Variants in RYR3 observed in about 807,000 individuals in gnomAD.
The protein encoded by RYR3 is brain ryanodine receptor-calcium release channel.
A neutral mutation model predicts 584.3 loss-of-function variants in RYR3; 207 were observed. The ratio of observed to expected loss-of-function variants is 0.35; its 90% CI spans 0.32 to 0.40. RYR3 has a LOEUF of 0.40. RYR3 is among the 10% of genes least tolerant of loss of function. The pLI, the probability that RYR3 is intolerant of heterozygous loss-of-function variation, is 1.00. For missense variants in RYR3, 5,616 were observed against 6,089.2 expected (o/e 0.92, Z 2.59); for synonymous variants, 2,416 against 2,248.5 (o/e 1.07, Z -2.11).
At chr15:33,539,255 G>A (rs2304385) in intron 5 of RYR3, 95 bp from the exon 6 acceptor site, 30 of 742,574 alleles carry the variant, frequency 4.0e-5, no homozygotes, top group East Asian at 2.2e-4. Flanking sequence ...TTGTGTGCAC[G>A]TGAAGGGTTG....
In RYR3 at chr15:33,669,847, G is replaced by GT. The variant is rs1566919568; in HGVS notation, c.5722+391_5722+392insT. Among the ~76,000 whole-genome samples the GT allele has an allele frequency of 1.1e-4, 5 of 46,702 alleles. 1 individual carries two copies. Among genetic ancestry groups the GT allele is most frequent in the Admixed American group, 5.7e-4 (2 of 3,508 alleles). The allele number at this position is 46,702 out of a possible 152,430, so 30.6% of individuals were successfully genotyped here. A position where few individuals can be genotyped will look rare whatever the true frequency, so the allele number is the denominator to read the frequency against. On this transcript the variant is annotated intron_variant, in intron 37 of 103. Transcript: ENST00000634891. ...GCTATTAGGGGTGTGTGTGTGTGGGGGGGGGGGGGGGTGTGGGTGTGTGGG... is the reference window on the plus strand; with the variant it reads ...GCTATTAGGGGTGTGTGTGTGTGGGGTGGGGGGGGGGGTGTGGGTGTGTGGG...
At chr15:33,612,599 A>T (rs1009634532) in intron 18 of RYR3, among the ~76,000 whole-genome samples, 11 of 152,174 alleles carry the variant, frequency 7.2e-5, no homozygotes, top group African/African-American at 2.2e-4. Flanking sequence ...ACCTCAGGTG[A>T]TCCACCTGCC....
chr15:33,813,009 C>T lies in RYR3; in HGVS notation c.10389+15C>T. ...ACCTGGAACAGGTAAGGAGCATCTG[C>T]CCTGAGGAATGGGGAAGCAGAAACA... is the stretch of plus-strand genomic sequence containing the variant. On this transcript the variant is annotated intron_variant, in intron 73 of 103. Transcript: ENST00000634891. 1 of 1,613,804 alleles carries T rather than the reference C, an allele frequency of 6.2e-7. No homozygotes were observed.
intron 60 of RYR3, among the ~76,000 whole-genome samples, chr15:33,758,098 G>A (rs560829539): frequency 1.7e-4 from 26 of 152,306 alleles, no homozygotes; most frequent in African/African-American, 6.3e-4. Flanking sequence ...GTGAGAAACG[G>A]TGCATTCTGG....
At chr15:33,751,346 C>T (rs571531796) in intron 57 of RYR3, among the ~76,000 whole-genome samples, 2 of 152,308 alleles carry the variant, frequency 1.3e-5, no homozygotes, top group African/African-American at 2.4e-5. Context: ...TTTACGCTCC[C>T]ACCAACAGTG....
chr15:33,409,613 A>T (rs1480074586), intron 1 of RYR3, among the ~76,000 whole-genome samples: 1 of 152,118 alleles, frequency 6.6e-6, no homozygotes, highest in Non-Finnish European at 1.5e-5. Context: ...TTGAAAAACC[A>T]TTGTTCCATA....
intron 27 of RYR3, among the ~76,000 whole-genome samples, chr15:33,637,314 A>C (rs369340967): frequency 2.9e-4 from 44 of 152,368 alleles, no homozygotes; most frequent in Middle Eastern, 3.4e-3. Context: ...TATATCAGAG[A>C]ATAAAAGCAT....
chr15:33,604,632 C>T (rs2059821694), intron 18 of RYR3, among the ~76,000 whole-genome samples: 1 of 152,170 alleles, frequency 6.6e-6, no homozygotes. Context: ...TTCAAAATGG[C>T]AGGATGATGG....
chr15:33,326,939 C>T (rs1969779145), intron 1 of RYR3, among the ~76,000 whole-genome samples: 1 of 151,654 alleles, frequency 6.6e-6, no homozygotes, highest in African/African-American at 2.4e-5. Flanking sequence ...TGTTATATGT[C>T]TGATACTAAA....
At chr15:33,852,182 C>G (rs1182428058) in intron 94 of RYR3, 1 of 151,976 alleles carries the variant, frequency 6.6e-6, no homozygotes, top group Non-Finnish European at 1.5e-5. Context: ...TAAAGGAAAA[C>G]AAAAGTAAGA....
At chr15:33,455,985 GA>G (rs1364916085) in intron 1 of RYR3, among the ~76,000 whole-genome samples, 1 of 152,160 alleles carries the variant, frequency 6.6e-6, no homozygotes, top group Non-Finnish European at 1.5e-5. Context: ...TATTCTTACA[GA>G]ATACTAATCA....
chr15:33,606,395 T>C, intron 18 of RYR3, among the ~76,000 whole-genome samples: 1 of 152,206 alleles, frequency 6.6e-6, no homozygotes, highest in Admixed American at 6.5e-5. Context: ...ATAGCCCAGT[T>C]AGGGCTACCC....
At chr15:33,363,302 T>G (rs529380169) in intron 1 of RYR3, among the ~76,000 whole-genome samples, 1 of 152,268 alleles carries the variant, frequency 6.6e-6, no homozygotes, top group African/African-American at 2.4e-5. Flanking sequence ...CTAAAACATC[T>G]TGGTTCTGAA....
intron 25 of RYR3, among the ~76,000 whole-genome samples, 154 bp downstream of exon 25, chr15:33,634,887 A>G (rs532667071): frequency 6.6e-6 from 1 of 152,244 alleles, no homozygotes; most frequent in South Asian, 2.1e-4. Context: ...TTTTATTGTT[A>G]TCGGGGAGAC....
Position 33,670,471 on chromosome 15 carries a change from A to G in RYR3, c.5775A>G (p.Gly1925=), listed in dbSNP as rs780387381. Residue 1925 remains glycine (G), a synonymous_variant, in exon 38 of 104, where the codon GGA becomes GGG. Coordinates refer to ENST00000634891, the MANE Select transcript of RYR3 (RefSeq NM_001036.6). ...AGGAGGAGGACACCTCCTGGACAGG[A>G]AAACTCTGTGCCTTGGTTTACAAAA... is the stretch of plus-strand genomic sequence containing the variant. ...EEEEEDTSWT[G]KLCALVYKIK... 1 of 1,612,476 alleles carries G rather than the reference A, an allele frequency of 6.2e-7. No individual in the cohort carries two copies. Among genetic ancestry groups the G allele is most frequent in the African/African-American group, 1.3e-5 (1 of 74,838 alleles).
intron 96 of RYR3, 140 bp from the exon 97 acceptor site, chr15:33,854,249 G>T: frequency 1.5e-6 from 1 of 669,880 alleles, no homozygotes. Context: ...TGTCTCATGG[G>T]GAGCACATAC....
At chr15:33,654,440 G>C (rs1418611814) in intron 32 of RYR3, among the ~76,000 whole-genome samples, 1 of 151,772 alleles carries the variant, frequency 6.6e-6, no homozygotes, top group African/African-American at 2.4e-5. Flanking sequence ...AGTCCGGGGA[G>C]GTCAAGGCTG....
At chr15:33,581,289 T>C (rs1485785352) in intron 13 of RYR3, among the ~76,000 whole-genome samples, 1 of 152,146 alleles carries the variant, frequency 6.6e-6, no homozygotes, top group Non-Finnish European at 1.5e-5. Context: ...GGCTGCTGAC[T>C]CACTCTCCAA....
chr15:33,339,292 A>G (rs754830066), intron 1 of RYR3, among the ~76,000 whole-genome samples: 1 of 152,186 alleles, frequency 6.6e-6, no homozygotes, highest in Non-Finnish European at 1.5e-5. Context: ...GCTCACGGAG[A>G]GCTCTTTCTG....
Sources: allele counts gnomAD v4.1 joint callset (sites outside exome capture counted in the v4.1 genomes callset), GRCh38; gene constraint gnomAD v4.1.1; transcripts MANE v1.5; gene names NCBI Gene and HGNC (gene_info 2026-07-23, HGNC 2026-07-21).